The following RNF38 variants were observed in gnomAD, a reference collection of about 807,000 sequenced individuals.
RNF38 encodes the protein E3 ubiquitin-protein ligase RNF38.
In RNF38, 15 loss-of-function variants were observed where a neutral mutation model predicts 67.2. The ratio of observed to expected loss-of-function variants is 0.22; its 90% CI spans 0.15 to 0.34. The LOEUF (loss-of-function observed/expected upper bound fraction) is 0.34, where lower values mean the gene tolerates loss of function less well. Among genes scored for constraint, RNF38 ranks in the 10% least tolerant of loss-of-function variants. The pLI is 1.00. For missense variants in RNF38, 524 were observed against 639.9 expected, an observed-to-expected ratio of 0.82 and a Z score of 1.95; for synonymous variants, 220 against 218.8, an observed-to-expected ratio of 1.01 and a Z score of -0.05.
At position 36,411,613 on chromosome 9, in the gene RNF38, G is replaced by A. The variant is rs1838327591; in HGVS notation, n.312+13000C>T. Among the ~76,000 whole-genome samples the A allele has an allele frequency of 2.0e-5, 3 of 152,162 alleles. No homozygotes were observed. The South Asian group carries it at 6.2e-4, about 32-fold the overall frequency. On this transcript the variant is annotated intron_variant and non_coding_transcript_variant, in intron 2 of 3. Coordinates refer to the RNF38 transcript ENST00000488058. ...GTCTTGCGCAATCACCCAGGCTGGA[G>A]TGCAGTGGTGCAATCTTGGGTCACT...
intron 3 of RNF38, among the ~76,000 whole-genome samples, chr9:36,372,180 C>T (rs1266997362): frequency 6.6e-6 from 1 of 152,182 alleles, no homozygotes; most frequent in Non-Finnish European, 1.5e-5. Flanking sequence ...CCGCCCACCT[C>T]AGCCTCCCAA....
chr9:36,452,531 T>C (rs1179783231), intron 1 of RNF38, among the ~76,000 whole-genome samples: 1 of 152,052 alleles, frequency 6.6e-6, no homozygotes, highest in African/African-American at 2.4e-5. Context: ...TAGCAAAATC[T>C]TGCTTTTTTT....
At chr9:36,479,016 T>C (rs1443056886) in intron 1 of RNF38, among the ~76,000 whole-genome samples, 2 of 152,162 alleles carry the variant, frequency 1.3e-5, no homozygotes, top group African/African-American at 2.4e-5. Context: ...AGCTCAGTCT[T>C]GTCCTTTTTT....
intron 1 of RNF38, among the ~76,000 whole-genome samples, chr9:36,393,252 T>C (rs1837246119): frequency 6.6e-6 from 1 of 152,100 alleles, no homozygotes; most frequent in Admixed American, 6.5e-5. Context: ...CATAGACAAA[T>C]GAAAAACTGG....
chr9:36,340,633 A>G (rs2133313539), intron 11 of RNF38, among the ~76,000 whole-genome samples: 1 of 152,324 alleles, frequency 6.6e-6, no homozygotes. Context: ...TTGCCTCCCA[A>G]AATGTTGGGA....
In RNF38 at chr9:36,487,481, G is replaced by A. The variant is rs971733933; in HGVS notation, n.68C>T. On this transcript the variant is annotated non_coding_transcript_exon_variant, in exon 1 of 4. Transcript: ENST00000488058. ...GGCGGGGCCCGGCCTGGGAGACGAC[G>A]ACTGAGGCTGAAAGTGCGCGGCGGC... The A allele has an allele frequency of 8.2e-6, 8 of 980,774 alleles. No individual in the cohort carries two copies. In the African/African-American group the frequency reaches 1.1e-4, roughly 13 times the overall value. The allele number at this position is 980,774 out of a possible 1,614,324, so 60.8% of individuals were successfully genotyped here.
chr9:36,425,283 C>T (rs1356321939), intron 1 of RNF38, among the ~76,000 whole-genome samples: 2 of 152,126 alleles, frequency 1.3e-5, no homozygotes, highest in African/African-American at 4.8e-5. Flanking sequence ...ACAGATTACC[C>T]ATTTTTTTTA....
intron 2 of RNF38, among the ~76,000 whole-genome samples, chr9:36,416,742 A>ATTTTT (rs386414907): frequency 0.022 from 1,373 of 63,474 alleles, 335 homozygotes; most frequent in South Asian, 0.037. Context: ...CTGCCTCGAT[A>ATTTTT]TTTTTTTTTT....
rs1324230648 is a variant in RNF38, at chr9:36,341,815, T to C, written c.1485+510A>G. Among the ~76,000 whole-genome samples, 20 of 10,794 alleles carry C rather than the reference T, an allele frequency of 1.9e-3. No homozygotes were observed. The South Asian group carries it at 0.1, about 54-fold the overall frequency. 7.1% of individuals were successfully genotyped at this position (10,794 alleles called of 152,430 possible). ...CAAAATATATATATATATATATATA[T>C]ATATATATATATATATATATATATA... is the stretch of plus-strand genomic sequence containing the variant. On this transcript the variant is annotated intron_variant, in intron 11 of 11. Coordinates refer to ENST00000259605, the MANE Select transcript of RNF38 (RefSeq NM_022781.5).
rs373048042 is a variant in RNF38 at position 36,376,136 on chromosome 9, G to T, written c.163-9C>A. ...CTTGGACTATCTTCACTCTGCCAAT[G>T]CAACAAAATGGATCAACTGAGTAAG... On this transcript the variant is annotated splice_polypyrimidine_tract_variant and intron_variant, in intron 2 of 11. Coordinates refer to ENST00000259605, the MANE Select transcript of RNF38 (RefSeq NM_022781.5). The T allele has an allele frequency of 9.7e-6, 15 of 1,544,336 alleles. No homozygotes were observed. Among genetic ancestry groups the T allele is most frequent in the Non-Finnish European group, 1.3e-5 (15 of 1,150,460 alleles).
At chr9:36,477,139 T>C (rs1400071922) in intron 1 of RNF38, among the ~76,000 whole-genome samples, 1 of 151,374 alleles carries the variant, frequency 6.6e-6, no homozygotes, top group Non-Finnish European at 1.5e-5. Flanking sequence ...CTGGTCAAGA[T>C]GGTGAAACCC....
intron 10 of RNF38, 49 bp from the exon 11 acceptor site, chr9:36,342,473 ATTG>A: frequency 8.5e-7 from 1 of 1,172,800 alleles, no homozygotes. Flanking sequence ...ATGGTTTTCT[ATTG>A]TTATGACTAC....
At chr9:36,391,183 T>C (rs1837052676) in intron 1 of RNF38, among the ~76,000 whole-genome samples, 1 of 152,164 alleles carries the variant, frequency 6.6e-6, no homozygotes, top group African/African-American at 2.4e-5. Context: ...GACACAATCA[T>C]AAGCACAAAA....
At chr9:36,344,178 C>T (rs1461254568) in intron 10 of RNF38, among the ~76,000 whole-genome samples, 1 of 152,006 alleles carries the variant, frequency 6.6e-6, no homozygotes, top group Non-Finnish European at 1.5e-5. Context: ...CCATGTCCAG[C>T]TAATTTTTGT....
At chr9:36,409,869 A>C (rs776722468) in intron 2 of RNF38, among the ~76,000 whole-genome samples, 24 of 152,224 alleles carry the variant, frequency 1.6e-4, no homozygotes, top group Non-Finnish European at 3.2e-4. Context: ...ACTACAAAAC[A>C]AATCATAATA....
chr9:36,407,968 G>C (rs1838224245), intron 2 of RNF38, among the ~76,000 whole-genome samples: 1 of 151,934 alleles, frequency 6.6e-6, no homozygotes, highest in South Asian at 2.1e-4. Flanking sequence ...TAATATTCTT[G>C]TACATACATA....
Position 36,353,150 on chromosome 9 carries a change from A to AGTACT in RNF38, c.1071+15_1071+19dup. 1 of 1,604,062 alleles carries AGTACT rather than the reference A, an allele frequency of 6.2e-7. No homozygotes were observed. The highest frequency in any genetic ancestry group is 8.5e-7 in the Non-Finnish European group (1 of 1,171,116). On this transcript the variant is annotated intron_variant, in intron 7 of 11. Transcript: ENST00000259605. ...AGTTGCCAAAGCAAGTAATTAACAT[A>AGTACT]GTACTCTGTGAAAACTTACTACTCC... is the stretch of plus-strand genomic sequence containing the variant.
At chr9:36,417,028 A>G (rs1266093441) in intron 2 of RNF38, among the ~76,000 whole-genome samples, 1 of 152,204 alleles carries the variant, frequency 6.6e-6, no homozygotes, top group Non-Finnish European at 1.5e-5. Context: ...CTGGGATTAC[A>G]GCACTTTTTG....
In RNF38 at chr9:36,420,700, A is replaced by G. The variant is rs375060878; in HGVS notation, n.312+3913T>C. On this transcript the variant is annotated intron_variant and non_coding_transcript_variant, in intron 2 of 3. Transcript: ENST00000488058. ...AGAGCAAAGACTTCTGTTTTCTTCA[A>G]TGCAGTATCCCCAGTATCTAGAACA... Among the ~76,000 whole-genome samples, 51 of 152,252 alleles carry G rather than the reference A, an allele frequency of 3.3e-4. No homozygotes were observed. In the South Asian group the frequency reaches 0.011, roughly 32 times the overall value.
Sources: gnomAD v4.1 joint callset for allele counts (sites outside exome capture counted in the v4.1 genomes callset) on GRCh38, gnomAD v4.1.1 for gene constraint, MANE v1.5 for transcripts, NCBI Gene and HGNC (gene_info 2026-07-23, HGNC 2026-07-21) for gene names.